PTPRD: variants seen among roughly 807,000 people sequenced by gnomAD.
PTPRD encodes protein tyrosine phosphatase receptor type D.
A neutral mutation model predicts 214.5 loss-of-function variants in PTPRD; 34 were observed. That is an observed-to-expected ratio of 0.16 (90% CI 0.12 to 0.21). The LOEUF (loss-of-function observed/expected upper bound fraction) is 0.21. Ranked by LOEUF, PTPRD falls within the 10% of genes least tolerant of loss-of-function variation. PTPRD has a pLI of 1.00. For synonymous variants in PTPRD, 1,128 were observed against 845.7 expected (o/e 1.33, Z -5.79); for missense variants, 2,545 against 2,398.7 (o/e 1.06, Z -1.27).
intron 35 of PTPRD, among the ~76,000 whole-genome samples, chr9:8,426,570 T>A (rs565588372): frequency 6.6e-6 from 1 of 152,264 alleles, no homozygotes; most frequent in South Asian, 2.1e-4. Flanking sequence ...AAAAGACATT[T>A]TGGAGAATGT....
intron 5 of PTPRD, among the ~76,000 whole-genome samples, chr9:9,788,798 T>C (rs988898975): frequency 2.6e-5 from 4 of 152,108 alleles, no homozygotes; most frequent in African/African-American, 9.7e-5. Context: ...ATTTTTTTTT[T>C]CTGCATGAAG....
intron 3 of PTPRD, among the ~76,000 whole-genome samples, chr9:10,256,746 T>C (rs2154372768): frequency 6.6e-6 from 1 of 152,314 alleles, no homozygotes; most frequent in South Asian, 2.1e-4. Flanking sequence ...TACCTGCTTC[T>C]CTAGGCTCAG....
chr9:8,691,191 C>A (rs2097792990), intron 12 of PTPRD, among the ~76,000 whole-genome samples: 1 of 151,964 alleles, frequency 6.6e-6, no homozygotes, highest in Admixed American at 6.6e-5. Flanking sequence ...TGTACTAACT[C>A]ATTTGATTCG....
At chr9:9,833,584 G>A (rs992114883) in intron 5 of PTPRD, among the ~76,000 whole-genome samples, 5 of 99,554 alleles carry the variant, frequency 5.0e-5, no homozygotes, top group Admixed American at 9.5e-5. Context: ...TTTATTAGGC[G>A]GGAATTTCCT....
chr9:8,600,560 T>G (rs1174103849), intron 14 of PTPRD, among the ~76,000 whole-genome samples: 1 of 151,710 alleles, frequency 6.6e-6, no homozygotes, highest in African/African-American at 2.4e-5. Flanking sequence ...GTCTTGCATC[T>G]TGGATGCCCA....
At chr9:8,615,251 C>A (rs1398628187) in intron 14 of PTPRD, among the ~76,000 whole-genome samples, 1 of 151,776 alleles carries the variant, frequency 6.6e-6, no homozygotes, top group East Asian at 1.9e-4. Context: ...CTGTGGGAGC[C>A]CACGGCTCAG....
intron 4 of PTPRD, among the ~76,000 whole-genome samples, chr9:9,960,389 A>G (rs1279706362): frequency 2.0e-5 from 3 of 152,168 alleles, no homozygotes; most frequent in African/African-American, 7.2e-5. Context: ...ATCTCAAGAA[A>G]GTGGAGCGTA....
Position 9,570,738 on chromosome 9 carries a change from T to C in PTPRD, c.-237+3994A>G, listed in dbSNP as rs540237583. ...AAAACATCTAATTAGCTCTTGATTA[T>C]TGCGCTCAATATTTCATCATGTTTG... is the stretch of plus-strand genomic sequence containing the variant. On this transcript the variant is annotated intron_variant, in intron 8 of 45. Coordinates refer to ENST00000381196, the MANE Select transcript of PTPRD (RefSeq NM_002839.4). Among the ~76,000 whole-genome samples the C allele has an allele frequency of 4.0e-5, 6 of 151,632 alleles. No homozygotes were observed. In the East Asian group the frequency reaches 5.8e-4, roughly 15 times the overall value.
Position 9,219,227 on chromosome 9 carries a change from ACTGT to A in PTPRD, c.-202-35868_-202-35865del, listed in dbSNP as rs545913803. Among the ~76,000 whole-genome samples the A allele has an allele frequency of 2.1e-3, 324 of 152,246 alleles. 2 individuals carry two copies. The highest frequency in any genetic ancestry group is 1.9e-3 in the Non-Finnish European group (131 of 68,000). On this transcript the variant is annotated intron_variant, in intron 9 of 45. Transcript: ENST00000381196. The stretch of plus-strand genomic sequence containing the variant: ...TACAAACTTTTACAGATTTAAAAAC[ACTGT>A]CTGCAAAGATTTTTAGAAATACAAG...
Position 9,416,654 on chromosome 9 carries a change from T to C in PTPRD, c.-236-19172A>G, listed in dbSNP as rs188647935. 1.6e-3 allele frequency among the ~76,000 whole-genome samples: 240 copies of C among 152,274 alleles called. 2 individuals carry two copies. The highest frequency in any genetic ancestry group is 5.5e-3 in the African/African-American group (227 of 41,572). ...GTGCTCTCCCTTTTCCTCAGGACTTTAACATGCTCTGCTTTCTCCTAAGAA... is the reference window on the plus strand; with the variant it reads ...GTGCTCTCCCTTTTCCTCAGGACTTCAACATGCTCTGCTTTCTCCTAAGAA... On this transcript the variant is annotated intron_variant, in intron 8 of 45. Transcript: ENST00000381196.
At chr9:10,581,024 C>T (rs1420649079) in intron 2 of PTPRD, among the ~76,000 whole-genome samples, 1 of 152,150 alleles carries the variant, frequency 6.6e-6, no homozygotes. Context: ...ATCCTGGCTG[C>T]ATGTGTTCCC....
intron 3 of PTPRD, among the ~76,000 whole-genome samples, chr9:10,051,106 A>G (rs944470501): frequency 7.2e-5 from 11 of 152,176 alleles, no homozygotes; most frequent in African/African-American, 2.2e-4. Context: ...GAAGCCACTG[A>G]ATTCTGGGTA....
intron 3 of PTPRD, among the ~76,000 whole-genome samples, chr9:10,142,498 T>G (rs557209306): frequency 3.3e-5 from 5 of 152,222 alleles, no homozygotes; most frequent in African/African-American, 4.8e-5. Flanking sequence ...AGAAGACATT[T>G]ATGCATCCAA....
intron 11 of PTPRD, among the ~76,000 whole-genome samples, chr9:8,996,149 CA>C (rs1242906663): frequency 6.6e-6 from 1 of 152,054 alleles, no homozygotes; most frequent in Non-Finnish European, 1.5e-5. Flanking sequence ...TAGGTTCTCA[CA>C]AAAACCTATA....
intron 3 of PTPRD, among the ~76,000 whole-genome samples, chr9:10,317,594 AT>A (rs2096466064): frequency 6.6e-6 from 1 of 152,008 alleles, no homozygotes; most frequent in South Asian, 2.1e-4. Flanking sequence ...GGTGGACCCC[AT>A]GTTGCTAAAT....
chr9:9,020,814 A>G (rs1217117191), intron 10 of PTPRD, among the ~76,000 whole-genome samples: 3 of 152,186 alleles, frequency 2.0e-5, no homozygotes. Context: ...AGCAAAGGTC[A>G]TTGAATGAGA....
intron 5 of PTPRD, among the ~76,000 whole-genome samples, chr9:9,783,309 A>C (rs2098876830): frequency 6.6e-6 from 1 of 152,162 alleles, no homozygotes. Context: ...GAAAATTTCC[A>C]ATTTCTTTCT....
At chr9:8,713,478 G>C in intron 12 of PTPRD, 1 of 1,123,310 alleles carries the variant, frequency 8.9e-7, no homozygotes, top group Non-Finnish European at 1.3e-6. Flanking sequence ...AAATGAAGAA[G>C]TCTTCAGGGG....
At chr9:10,573,725 G>C (rs1209887309) in intron 2 of PTPRD, among the ~76,000 whole-genome samples, 1 of 152,070 alleles carries the variant, frequency 6.6e-6, no homozygotes, top group African/African-American at 2.4e-5. Flanking sequence ...TGTATCTCAA[G>C]TATTTTCTGG....
Sources: allele counts gnomAD v4.1 joint callset (sites outside exome capture counted in the v4.1 genomes callset), GRCh38; gene constraint gnomAD v4.1.1; transcripts MANE v1.5; gene names NCBI Gene and HGNC (gene_info 2026-07-23, HGNC 2026-07-21).